The following GNB4 variants were observed in gnomAD, a reference collection of about 807,000 sequenced individuals.
The protein encoded by GNB4 is G protein subunit beta 4, also known as guanine nucleotide-binding protein subunit beta-4.
GNB4 carries 28 observed loss-of-function variants against 45.2 expected under a neutral mutation model. The observed-to-expected ratio is 0.62, with a 90% CI of 0.46 to 0.85. The LOEUF is 0.85. GNB4 is among the 40% of genes least tolerant of loss of function. GNB4 has a pLI of 0.00. For synonymous variants in GNB4, 132 were observed against 143.7 expected, an observed-to-expected ratio of 0.92 and a Z score of 0.58; for missense variants, 321 against 425.4, an observed-to-expected ratio of 0.75 and a Z score of 2.16.
the GNB4 span, among the ~76,000 whole-genome samples, chr3:179,498,775 T>A: frequency 8.2e-6 from 1 of 122,086 alleles, no homozygotes; most frequent in African/African-American, 4.1e-5. Context: ...TTTGCCTCTT[T>A]CTTTATTATA....
At chr3:179,406,972 T>G (rs544532996) in intron 8 of GNB4, among the ~76,000 whole-genome samples, 3 of 152,232 alleles carry the variant, frequency 2.0e-5, no homozygotes, top group African/African-American at 7.2e-5. Flanking sequence ...TTCTACTCAA[T>G]GTTTTTCTTC....
chr3:179,465,135 T>C, the GNB4 span: 9 of 1,322,548 alleles, frequency 6.8e-6, no homozygotes, highest in Non-Finnish European at 9.8e-6. Context: ...ACAGCAGATA[T>C]GATCAAGGAA....
intron 2 of GNB4, among the ~76,000 whole-genome samples, chr3:179,425,552 C>T (rs1577033743): frequency 6.6e-6 from 1 of 152,154 alleles, no homozygotes; most frequent in African/African-American, 2.4e-5. Flanking sequence ...CTCGTTGCAA[C>T]CTCCGTCTCC....
At chr3:179,483,921 T>C in the GNB4 span, among the ~76,000 whole-genome samples, 1 of 152,196 alleles carries the variant, frequency 6.6e-6, no homozygotes, top group South Asian at 2.1e-4. Context: ...ATAGTTTAAA[T>C]AATTTTGAAT....
At chr3:179,444,181 ATTTTCT>A (rs1409505868) in intron 1 of GNB4, among the ~76,000 whole-genome samples, 1 of 151,596 alleles carries the variant, frequency 6.6e-6, no homozygotes, top group Admixed American at 6.6e-5. Flanking sequence ...ACCTATCTCT[ATTTTCT>A]TTATGTCTTA....
the GNB4 span, chr3:179,465,147 A>C: frequency 4.6e-6 from 6 of 1,292,020 alleles, no homozygotes; most frequent in South Asian, 5.9e-5. Flanking sequence ...ATCAAGGAAG[A>C]AGCAGCAGTC....
At chr3:179,519,427 T>A in the GNB4 span, among the ~76,000 whole-genome samples, 19 of 152,194 alleles carry the variant, frequency 1.2e-4, no homozygotes, top group Non-Finnish European at 2.4e-4. Flanking sequence ...CCATCCCCTT[T>A]TTAATCAATA....
At chr3:179,403,612 G>T (rs1714372033) in intron 9 of GNB4, among the ~76,000 whole-genome samples, 1 of 152,030 alleles carries the variant, frequency 6.6e-6, no homozygotes, top group Non-Finnish European at 1.5e-5. Context: ...GACCAACATG[G>T]TGAAACTCCA....
At chr3:179,431,206 A>T (rs1441993959) in intron 1 of GNB4, among the ~76,000 whole-genome samples, 1 of 152,164 alleles carries the variant, frequency 6.6e-6, no homozygotes, top group Non-Finnish European at 1.5e-5. Context: ...CCCACCATCT[A>T]GAAGTATCCA....
At position 179,424,769 on chromosome 3, in the gene GNB4, T is replaced by C. The variant is rs140607490; in HGVS notation, c.57+1375A>G. Among the ~76,000 whole-genome samples, 1,055 of 152,104 alleles carry C rather than the reference T, an allele frequency of 6.9e-3. 16 individuals are homozygous for C. Among genetic ancestry groups the C allele is most frequent in the African/African-American group, 0.025 (1,018 of 41,508 alleles). On this transcript the variant is annotated intron_variant, in intron 2 of 9. Transcript: ENST00000232564. ...ACAGGCACAAGCCACCACACCCGGC[T>C]AACGTTTTTTTGTTTGTTTTTGTAG...
At chr3:179,466,445 G>C in the GNB4 span, among the ~76,000 whole-genome samples, 1 of 152,196 alleles carries the variant, frequency 6.6e-6, no homozygotes, top group Admixed American at 6.5e-5. Context: ...TAGGCAGCTT[G>C]AGGCAGAAAG....
chr3:179,444,095 T>G (rs1429518379), intron 1 of GNB4, among the ~76,000 whole-genome samples: 1 of 152,212 alleles, frequency 6.6e-6, no homozygotes, highest in Admixed American at 6.5e-5. Flanking sequence ...GTCTCATCAT[T>G]TCTAAAACCT....
Position 179,415,734 on chromosome 3 carries a change from C to T in GNB4, c.268-687G>A, listed in dbSNP as rs562352306. Among the ~76,000 whole-genome samples, 443 of 152,044 alleles carry T rather than the reference C, an allele frequency of 2.9e-3. 5 individuals are homozygous for T. Among genetic ancestry groups the T allele is most frequent in the African/African-American group, 0.01 (433 of 41,470 alleles). On this transcript the variant is annotated intron_variant, in intron 5 of 9. Coordinates refer to ENST00000232564, the MANE Select transcript of GNB4 (RefSeq NM_021629.4). ...TGCTCTCACTTAACCTAAAATAATA[C>T]GCTTAAAATACATTTTTTTTGTTTT...
At chr3:179,499,419 A>G in the GNB4 span, among the ~76,000 whole-genome samples, 1 of 152,118 alleles carries the variant, frequency 6.6e-6, no homozygotes, top group Non-Finnish European at 1.5e-5. Context: ...TTGGCCTCCC[A>G]AAGTGCCGGG....
chr3:179,471,843 A>C, the GNB4 span, among the ~76,000 whole-genome samples: 1 of 152,198 alleles, frequency 6.6e-6, no homozygotes. Flanking sequence ...TTTTAAATAA[A>C]GTAGATATTT....
the GNB4 span, among the ~76,000 whole-genome samples, chr3:179,502,234 T>C: frequency 7.6e-4 from 102 of 134,040 alleles, no homozygotes; most frequent in South Asian, 4.4e-3. Flanking sequence ...TTTTCTTTTT[T>C]TTTTTTTTTT....
the GNB4 span, among the ~76,000 whole-genome samples, chr3:179,489,004 AAAAAAAAAAAAAAAAATAT>A: frequency 5.1e-5 from 2 of 39,162 alleles, no homozygotes; most frequent in Non-Finnish European, 8.9e-5. Flanking sequence ...AAAAAAAAAA[AAAAAAAAAAAAAAAAATAT>A]ATATATATAT....
chr3:179,450,227 A>G (rs1715833703), intron 1 of GNB4, among the ~76,000 whole-genome samples: 1 of 152,258 alleles, frequency 6.6e-6, no homozygotes, highest in East Asian at 1.9e-4. Context: ...GCCTAGGATC[A>G]GTAGTAAACC....
the GNB4 span, among the ~76,000 whole-genome samples, chr3:179,502,228 C>CTTTTTTTTTTTTTTTTTTTT: frequency 1.4e-5 from 1 of 73,464 alleles, no homozygotes; most frequent in Non-Finnish European, 2.5e-5. Context: ...TTTTTCTTTT[C>CTTTTTTTTTTTTTTTTTTTT]TTTTTTTTTT....
Sources: allele counts gnomAD v4.1 joint callset (sites outside exome capture counted in the v4.1 genomes callset), GRCh38; gene constraint gnomAD v4.1.1; transcripts MANE v1.5; gene names NCBI Gene and HGNC (gene_info 2026-07-23, HGNC 2026-07-21).